DPP10: variants seen among roughly 807,000 people sequenced by gnomAD.
DPP10 encodes inactive dipeptidyl peptidase 10.
A neutral mutation model predicts 120.9 loss-of-function variants in DPP10; 33 were observed. The observed-to-expected ratio is 0.27, with a 90% CI of 0.21 to 0.37. The LOEUF (loss-of-function observed/expected upper bound fraction) is 0.37. Ranked by LOEUF, DPP10 falls within the 10% of genes least tolerant of loss-of-function variation. DPP10 has a pLI of 1.00. For synonymous variants in DPP10, 337 were observed against 326.1 expected (o/e 1.03, Z -0.36); for missense variants, 816 against 942.8 (o/e 0.87, Z 1.76).
intron 1 of DPP10, among the ~76,000 whole-genome samples, chr2:114,491,911 T>C (rs1261044085): frequency 6.6e-6 from 1 of 152,138 alleles, no homozygotes; most frequent in Admixed American, 6.5e-5. Flanking sequence ...CCTGGGGGCA[T>C]TTAGAATTCA....
rs1388962281 is a variant in DPP10 at position 115,482,829 on chromosome 2, ATCT to A, written c.272-16676_272-16674del. Among the ~76,000 whole-genome samples, 5 of 152,094 alleles carry A rather than the reference ATCT, an allele frequency of 3.3e-5. No homozygotes were observed. In the East Asian group the frequency reaches 7.7e-4, roughly 24 times the overall value. On this transcript the variant is annotated intron_variant, in intron 3 of 25. Coordinates refer to ENST00000410059, the MANE Select transcript of DPP10 (RefSeq NM_020868.6). ...TTCATCATAGCCTTACTACCTTAACATCTTCTTATTTTTTCTTTTCATTATGTG... is the reference window on the plus strand; with the variant it reads ...TTCATCATAGCCTTACTACCTTAACATCTTATTTTTTCTTTTCATTATGTG...
intron 1 of DPP10, among the ~76,000 whole-genome samples, chr2:115,118,654 AC>A (rs1305382031): frequency 1.5e-4 from 23 of 152,094 alleles, no homozygotes; most frequent in Middle Eastern, 3.4e-3. Flanking sequence ...CTCTCAGCTC[AC>A]TACAATCTCT....
intron 1 of DPP10, among the ~76,000 whole-genome samples, chr2:115,046,082 A>G (rs1368671327): frequency 6.6e-6 from 1 of 152,092 alleles, no homozygotes; most frequent in South Asian, 2.1e-4. Flanking sequence ...TTTTGAATTG[A>G]CCAGCTGTTT....
intron 1 of DPP10, among the ~76,000 whole-genome samples, chr2:114,832,390 C>T (rs900312764): frequency 2.0e-5 from 3 of 152,116 alleles, no homozygotes; most frequent in East Asian, 1.9e-4. Context: ...AAAAAATTAG[C>T]CGGGCGTGTT....
intron 1 of DPP10, among the ~76,000 whole-genome samples, chr2:115,027,278 G>A (rs1407955485): frequency 6.6e-6 from 1 of 151,980 alleles, no homozygotes; most frequent in Non-Finnish European, 1.5e-5. Context: ...AGTCATCTGC[G>A]CATAAAGCCA....
chr2:115,768,941 CTA>C (rs1017985493), intron 13 of DPP10, among the ~76,000 whole-genome samples: 2 of 150,876 alleles, frequency 1.3e-5, no homozygotes, highest in Non-Finnish European at 3.0e-5. Flanking sequence ...AAAATATAAT[CTA>C]TGTTTTTTTT....
At chr2:114,512,678 CAG>C (rs375759325) in intron 1 of DPP10, among the ~76,000 whole-genome samples, 90 of 152,310 alleles carry the variant, frequency 5.9e-4, no homozygotes, top group African/African-American at 2.0e-3. Flanking sequence ...ATGAGTTACC[CAG>C]AGTTTTCTCG....
intron 8 of DPP10, among the ~76,000 whole-genome samples, chr2:115,729,255 T>A (rs914000665): frequency 1.3e-5 from 2 of 152,174 alleles, no homozygotes; most frequent in East Asian, 1.9e-4. Context: ...TAAAATCTGG[T>A]TAGTTCTGGC....
chr2:115,060,827 G>A (rs1434780522), intron 1 of DPP10, among the ~76,000 whole-genome samples: 1 of 152,136 alleles, frequency 6.6e-6, no homozygotes, highest in Non-Finnish European at 1.5e-5. Context: ...AGGAAGCTGA[G>A]CTCAGAGAGA....
At chr2:115,338,507 G>A (rs1226291074) in intron 2 of DPP10, among the ~76,000 whole-genome samples, 1 of 151,964 alleles carries the variant, frequency 6.6e-6, no homozygotes, top group Non-Finnish European at 1.5e-5. Flanking sequence ...GGAGTGAAGT[G>A]GCGCAGTGGC....
At chr2:115,024,200 A>G (rs1447079664) in intron 1 of DPP10, among the ~76,000 whole-genome samples, 1 of 152,106 alleles carries the variant, frequency 6.6e-6, no homozygotes, top group Non-Finnish European at 1.5e-5. Context: ...ACATATTTGG[A>G]TATTTATATT....
At chr2:114,650,549 C>T (rs970977278) in intron 1 of DPP10, among the ~76,000 whole-genome samples, 4 of 152,106 alleles carry the variant, frequency 2.6e-5, no homozygotes, top group Non-Finnish European at 5.9e-5. Flanking sequence ...CAAGATTGTG[C>T]TGTAAAATTT....
chr2:115,657,558 C>T (rs2088489354), intron 5 of DPP10, among the ~76,000 whole-genome samples: 1 of 151,632 alleles, frequency 6.6e-6, no homozygotes, highest in Admixed American at 6.6e-5. Context: ...ACTTGCTCTG[C>T]TTTATCCTGT....
At chr2:114,564,906 C>T (rs1028956481) in intron 1 of DPP10, among the ~76,000 whole-genome samples, 7 of 152,176 alleles carry the variant, frequency 4.6e-5, no homozygotes, top group African/African-American at 7.2e-5. Flanking sequence ...AAGATCTTCA[C>T]TCACCAGAAA....
intron 1 of DPP10, among the ~76,000 whole-genome samples, chr2:114,736,512 GA>G (rs1192013790): frequency 3.3e-5 from 5 of 151,978 alleles, no homozygotes; most frequent in Non-Finnish European, 7.4e-5. Context: ...TTATTGTTTA[GA>G]AAAATAAAAT....
chr2:115,228,097 G>A (rs540634615), intron 1 of DPP10, among the ~76,000 whole-genome samples: 26 of 151,600 alleles, frequency 1.7e-4, no homozygotes, highest in Admixed American at 1.7e-3. Flanking sequence ...TGATTTTTTT[G>A]TGTATTTATA....
At chr2:115,125,674 C>G (rs918316414) in intron 1 of DPP10, among the ~76,000 whole-genome samples, 1 of 151,158 alleles carries the variant, frequency 6.6e-6, no homozygotes, top group Non-Finnish European at 1.5e-5. Flanking sequence ...CGGGTTCACG[C>G]CATTCTCCTG....
At chr2:115,589,281 A>T (rs1268542121) in intron 5 of DPP10, among the ~76,000 whole-genome samples, 2 of 152,232 alleles carry the variant, frequency 1.3e-5, no homozygotes, top group Non-Finnish European at 2.9e-5. Flanking sequence ...ATATTAATAG[A>T]GAATGCATTT....
chr2:115,766,310 G>GTGTGTATATA (rs1371625141), intron 12 of DPP10, among the ~76,000 whole-genome samples: 2 of 81,736 alleles, frequency 2.4e-5, no homozygotes, highest in African/African-American at 8.7e-5. Context: ...GTGTGTGTGT[G>GTGTGTATATA]TATATATATA....
Sources: gnomAD v4.1 joint callset for allele counts (sites outside exome capture counted in the v4.1 genomes callset) on GRCh38, gnomAD v4.1.1 for gene constraint, MANE v1.5 for transcripts, NCBI Gene and HGNC (gene_info 2026-07-23, HGNC 2026-07-21) for gene names.